Variants in DIS3 observed in about 807,000 individuals in gnomAD.
DIS3 encodes exosome complex exonuclease RRP44.
A neutral mutation model predicts 113.0 loss-of-function variants in DIS3; 103 were observed. The ratio of observed to expected loss-of-function variants is 0.91; its 90% confidence interval spans 0.78 to 1.07. The LOEUF is 1.07. Among genes scored for constraint, DIS3 ranks in the 50% least tolerant of loss-of-function variants. DIS3 has a pLI of 0.00. For synonymous variants in DIS3, 402 were observed against 394.3 expected (o/e 1.02, Z -0.23); for missense variants, 1,121 against 1,167.1 (o/e 0.96, Z 0.58).
chr13:72,765,831 T>C (rs921298345), intron 15 of DIS3, 141 bp downstream of exon 15: 25 of 593,740 alleles, frequency 4.2e-5, no homozygotes, highest in African/African-American at 3.8e-4. Context: ...TACTTTTCTG[T>C]CCTTTGCAAG....
Position 72,753,599 on chromosome 13 carries a change from G to T in DIS3, c.*6196C>A. ...TATTACATGTTAGGATCATTCAGAT[G>T]TAGTGAATGAGAGTTTATAGTGGTT... On this transcript the variant is annotated 3_prime_UTR_variant, in exon 21 of 21. Coordinates refer to ENST00000377767, the MANE Select transcript of DIS3 (RefSeq NM_014953.5). 8.0e-7 allele frequency: 1 copy of T among 1,254,894 alleles called. No individual in the cohort carries two copies. The highest frequency in any genetic ancestry group is 1.1e-6 in the Non-Finnish European group (1 of 893,658). 77.7% of individuals were successfully genotyped at this position (1,254,894 alleles called of 1,614,324 possible).
intron 11 of DIS3, 39 bp downstream of exon 11, chr13:72,771,756 T>G: frequency 1.3e-6 from 2 of 1,572,532 alleles, no homozygotes; most frequent in Non-Finnish European, 8.7e-7. Context: ...AATCCTTAAG[T>G]GTCCATGACT....
chr13:72,759,416 C>T lies in DIS3; in HGVS notation c.*379G>A, dbSNP rs1593832503. 8.8e-6 allele frequency: 2 copies of T among 228,134 alleles called. No individual in the cohort carries two copies. The highest frequency in any genetic ancestry group is 1.7e-5 in the Non-Finnish European group (2 of 115,102). The allele number at this position is 228,134 out of a possible 1,614,324, so 14.1% of individuals were successfully genotyped here. A position where few individuals can be genotyped will look rare whatever the true frequency, so the allele number is the denominator to read the frequency against. ...CTTGCTTCTAAAATTGTTCTATTTTCCTCTGTAGGAAAATGAAAGTTTTTT... is the reference window on the plus strand; with the variant it reads ...CTTGCTTCTAAAATTGTTCTATTTTTCTCTGTAGGAAAATGAAAGTTTTTT... On this transcript the variant is annotated 3_prime_UTR_variant, in exon 21 of 21. Coordinates refer to ENST00000377767, the MANE Select transcript of DIS3 (RefSeq NM_014953.5).
At chr13:72,774,981 T>C (rs2033973724) in intron 6 of DIS3, among the ~76,000 whole-genome samples, 1 of 152,186 alleles carries the variant, frequency 6.6e-6, no homozygotes, top group African/African-American at 2.4e-5. Flanking sequence ...ATACTTGTAT[T>C]AACTCATACT....
chr13:72,753,519 C>G lies in DIS3; in HGVS notation c.*6276G>C, dbSNP rs187744255. ...AATGACTACAATAATCAGTACTATG[C>G]AGGACTACCTTTTATATTTGTGCAT... On this transcript the variant is annotated 3_prime_UTR_variant, in exon 21 of 21. Coordinates refer to ENST00000377767, the MANE Select transcript of DIS3 (RefSeq NM_014953.5). 3.2e-6 allele frequency: 2 copies of G among 623,222 alleles called. No homozygotes were observed. Among genetic ancestry groups the G allele is most frequent in the Non-Finnish European group, 5.4e-6 (2 of 369,116 alleles). 38.6% of individuals were successfully genotyped at this position (623,222 alleles called of 1,614,324 possible).
In DIS3 at chr13:72,761,343, A is replaced by C; in HGVS notation, c.2670+20T>G. ...AAAAGTGCCCCCCGGAAAAGAAAAC[A>C]AACATGAGAAATACCGTACCTCATC... On this transcript the variant is annotated intron_variant, in intron 19 of 20. Transcript: ENST00000377767. The C allele has an allele frequency of 6.3e-7, 1 of 1,579,150 alleles. No homozygotes were observed.
At chr13:72,779,419 C>G (rs2034100184) in intron 2 of DIS3, among the ~76,000 whole-genome samples, 1 of 151,990 alleles carries the variant, frequency 6.6e-6, no homozygotes, top group South Asian at 2.1e-4. Context: ...CGCCCAGCTG[C>G]TAATGTTTTA....
At position 72,779,775 on chromosome 13, in the gene DIS3, G is replaced by C. The variant is rs550155517; in HGVS notation, c.386+1071C>G. ...GGTGGTGGTGGTGGTGGTGGTGGGG[G>C]GGGTAAGGGGTGGTGATCCTGCCAA... On this transcript the variant is annotated intron_variant, in intron 2 of 20. Coordinates refer to ENST00000377767, the MANE Select transcript of DIS3 (RefSeq NM_014953.5). Among the ~76,000 whole-genome samples, 817 of 151,888 alleles carry C rather than the reference G, an allele frequency of 5.4e-3. 9 individuals are homozygous for C. The highest frequency in any genetic ancestry group is 0.019 in the African/African-American group (786 of 41,368).
intron 13 of DIS3, among the ~76,000 whole-genome samples, chr13:72,769,455 T>A (rs547829357): frequency 7.5e-4 from 113 of 151,604 alleles, no homozygotes; most frequent in African/African-American, 2.5e-3. Context: ...AATAACTACT[T>A]CTGTTCCTAT....
At chr13:72,777,608 C>A in intron 3 of DIS3, 115 bp from the exon 4 acceptor site, 1 of 851,036 alleles carries the variant, frequency 1.2e-6, no homozygotes, top group Non-Finnish European at 1.9e-6. Flanking sequence ...TTGAGACACA[C>A]TGAGAGTCTC....
rs2033546876 is a variant in DIS3 at position 72,758,427 on chromosome 13, A to G, written c.*1368T>C. 1 of 195,906 alleles carries G rather than the reference A, an allele frequency of 5.1e-6. No homozygotes were observed. The highest frequency in any genetic ancestry group is 1.1e-5 in the Non-Finnish European group (1 of 94,314). The allele number at this position is 195,906 out of a possible 1,614,324, so 12.1% of individuals were successfully genotyped here. A position where few individuals can be genotyped will look rare whatever the true frequency, so the allele number is the denominator to read the frequency against. On this transcript the variant is annotated 3_prime_UTR_variant, in exon 21 of 21. Transcript: ENST00000377767. ...GAAACACAGTCATGTTGATTTGTTT[A>G]CATATTGTATATGGCTCCTTACACA...
At position 72,778,324 on chromosome 13, in the gene DIS3, G is replaced by A. The variant is rs768054707; in HGVS notation, c.443C>T (p.Ala148Val). Residue 148 changes from alanine (A) to valine (V), a missense_variant, in exon 3 of 21, where the codon GCG becomes GTG. Around this residue, in one of 3 missense-constraint regions of DIS3, gnomAD observed 254 missense variants for 232.2 expected, o/e 1.09. Transcript: ENST00000377767. ...GENANDRNDR[A>V]IRVAAKWYNE... is the part of the protein sequence containing the mutation. ...GTACCATTTTGCTGCTACTCGAATC[G>A]CTCTATCATTCCTGTCATTAGCATT... is the stretch of plus-strand genomic sequence containing the variant. The A allele has an allele frequency of 5.6e-6, 9 of 1,598,338 alleles. No homozygotes were observed. The highest frequency in any genetic ancestry group is 1.7e-5 in the Admixed American group (1 of 59,900).
intron 20 of DIS3, among the ~76,000 whole-genome samples, 184 bp downstream of exon 20, chr13:72,760,345 G>C (rs1049535491): frequency 1.3e-5 from 2 of 152,190 alleles, no homozygotes; most frequent in African/African-American, 4.8e-5. Context: ...CAGAATCTCA[G>C]ATGTCTAGAA....
At position 72,780,932 on chromosome 13, in the gene DIS3, A is replaced by C. The variant is rs925690650; in HGVS notation, c.300T>G (p.Asn100Lys). 1.1e-5 allele frequency: 18 copies of C among 1,613,362 alleles called. No homozygotes were observed. Among genetic ancestry groups the C allele is most frequent in the African/African-American group, 1.3e-5 (1 of 74,832 alleles). The change falls in exon 2 of 21, where the codon AAT becomes AAG. Residue 100 changes from asparagine to lysine, a missense_variant. Asn to Lys is a moderately conservative substitution (Grantham distance 94). Around this residue, in one of 3 missense-constraint regions of DIS3, gnomAD observed 254 missense variants for 232.2 expected, o/e 1.09. Coordinates refer to ENST00000377767, the MANE Select transcript of DIS3 (RefSeq NM_014953.5). ...VLQTVLQEVR[N>K]RSAPVYKRIR... The stretch of plus-strand genomic sequence containing the variant: ...TGCGTTTATATACGGGGGCACTGCG[A>C]TTTCTCACTTCTTGAAGAACTGTTT...
chr13:72,776,369 T>C (rs1237395654), intron 4 of DIS3, among the ~76,000 whole-genome samples: 1 of 152,158 alleles, frequency 6.6e-6, no homozygotes, highest in Non-Finnish European at 1.5e-5. Flanking sequence ...AGAAACTGAA[T>C]TTTTAATACA....
At chr13:72,764,572 A>G (rs1400623549) in intron 15 of DIS3, among the ~76,000 whole-genome samples, 2 of 152,164 alleles carry the variant, frequency 1.3e-5, no homozygotes, top group African/African-American at 4.8e-5. Flanking sequence ...AAAACTCTTA[A>G]CCAATCTGAT....
In DIS3 at chr13:72,778,336, C is replaced by T. The variant is rs759948235; in HGVS notation, c.431G>A (p.Arg144Lys). 6 of 1,589,416 alleles carry T rather than the reference C, an allele frequency of 3.8e-6. No homozygotes were observed. The highest frequency in any genetic ancestry group is 1.7e-6 in the Non-Finnish European group (2 of 1,161,478). Residue 144 changes from arginine (R) to lysine (K), a missense_variant, in exon 3 of 21, where the codon AGG (arginine) becomes AAG (lysine). Transcript: ENST00000377767. ...EQEQGENAND[R>K]NDRAIRVAAK... The stretch of plus-strand genomic sequence containing the variant: ...TGCTACTCGAATCGCTCTATCATTC[C>T]TGTCATTAGCATTTTCTCCCTGTTC...
chr13:72,781,205 G>A (rs777359357), intron 1 of DIS3: 1 of 1,503,082 alleles, frequency 6.7e-7, no homozygotes, highest in Non-Finnish European at 9.1e-7. Context: ...CACTTAAACA[G>A]ACCAATCACA....
chr13:72,757,937 A>G lies in DIS3; in HGVS notation c.*1858T>C. 5.0e-6 allele frequency: 1 copy of G among 201,896 alleles called. No individual in the cohort carries two copies. The allele number at this position is 201,896 out of a possible 1,614,324, so 12.5% of individuals were successfully genotyped here. ...ACATCATAGTGAAATTACTTTATGT[A>G]GCCTAAGTATATAGTGTTTATAAAA... On this transcript the variant is annotated 3_prime_UTR_variant, in exon 21 of 21. Transcript: ENST00000377767.
Sources: allele counts gnomAD v4.1 joint callset (sites outside exome capture counted in the v4.1 genomes callset), GRCh38; gene constraint gnomAD v4.1.1; regional missense constraint gnomAD v4.1.1; transcripts MANE v1.5; gene names NCBI Gene and HGNC (gene_info 2026-07-23, HGNC 2026-07-21).